NTM: variants seen among roughly 807,000 people sequenced by gnomAD.
The protein encoded by NTM is IgLON family member 2.
In NTM, 13 loss-of-function variants were observed where a neutral mutation model predicts 42.1. That is an observed-to-expected ratio of 0.31 (90% CI 0.20 to 0.49). The LOEUF is 0.49. Among genes scored for constraint, NTM ranks in the 20% least tolerant of loss-of-function variants. The pLI is 0.99. For missense variants in NTM, 373 were observed against 452.8 expected (o/e 0.82, Z 1.60); for synonymous variants, 187 against 179.2 (o/e 1.04, Z -0.35).
At chr11:131,403,896 A>G (rs547344237) in intron 1 of NTM, among the ~76,000 whole-genome samples, 8 of 152,284 alleles carry the variant, frequency 5.3e-5, no homozygotes, top group Non-Finnish European at 1.0e-4. Flanking sequence ...TTAGAGTTCA[A>G]CATCTCAATT....
In NTM at chr11:131,616,469, C is replaced by T. The variant is rs2061947831; in HGVS notation, c.82+245581C>T. On this transcript the variant is annotated intron_variant, in intron 1 of 8. Transcript: ENST00000683400. ...GTGAAAATTGCCACTGCTGATTCTC[C>T]TGACACTCTGAGCTTTACCCATGGG... Among the ~76,000 whole-genome samples, 3 of 152,178 alleles carry T rather than the reference C, an allele frequency of 2.0e-5. No individual in the cohort carries two copies. The South Asian group carries it at 6.2e-4, about 32-fold the overall frequency.
At chr11:132,299,892 A>G (rs73599300) in intron 4 of NTM, among the ~76,000 whole-genome samples, 1,941 of 152,212 alleles carry the variant, frequency 0.013, 36 homozygotes, top group African/African-American at 0.045. Flanking sequence ...AACTATGTGT[A>G]ATATATATGT....
intron 1 of NTM, among the ~76,000 whole-genome samples, chr11:131,746,517 AG>A (rs2081853577): frequency 6.6e-6 from 1 of 152,190 alleles, no homozygotes; most frequent in African/African-American, 2.4e-5. Context: ...CCAGGCACTA[AG>A]TTTGCCTTTC....
At chr11:132,025,310 G>T (rs999199957) in intron 2 of NTM, among the ~76,000 whole-genome samples, 1 of 152,210 alleles carries the variant, frequency 6.6e-6, no homozygotes, top group Non-Finnish European at 1.5e-5. Flanking sequence ...TGGTCAGTCT[G>T]TTCTACATTT....
At chr11:131,500,593 T>TG (rs2046677825) in intron 1 of NTM, among the ~76,000 whole-genome samples, 1 of 133,194 alleles carries the variant, frequency 7.5e-6, no homozygotes. Flanking sequence ...TTTTTTTTTT[T>TG]TTGTATTATA....
chr11:131,733,503 C>CTTCCTTCA, intron 1 of NTM, among the ~76,000 whole-genome samples: 1 of 146,362 alleles, frequency 6.8e-6, no homozygotes, highest in Non-Finnish European at 1.5e-5. Context: ...TCCTTCCTTC[C>CTTCCTTCA]TTCCTTCCTT....
Position 132,028,399 on chromosome 11 carries a change from T to C in NTM, c.167+116751T>C, listed in dbSNP as rs1004134189. On this transcript the variant is annotated intron_variant, in intron 2 of 8. Transcript: ENST00000683400. ...GGGATCAAGCTGTAATTATTGCTTG[T>C]TGTAACTGTGTCAGAGGTTAAAGTT... Among the ~76,000 whole-genome samples the C allele has an allele frequency of 8.5e-5, 13 of 152,292 alleles. No homozygotes were observed. In the East Asian group the frequency reaches 1.7e-3, roughly 20 times the overall value.
chr11:131,996,884 G>A (rs117745471), intron 2 of NTM, among the ~76,000 whole-genome samples: 64 of 152,088 alleles, frequency 4.2e-4, no homozygotes, highest in East Asian at 1.4e-3. Flanking sequence ...CCACATCCCC[G>A]CCCCTCTAGA....
intron 1 of NTM, among the ~76,000 whole-genome samples, chr11:131,791,502 T>C (rs1321564237): frequency 6.6e-6 from 1 of 152,192 alleles, no homozygotes. Context: ...TGAATACAAC[T>C]ATGTAACTAC....
chr11:131,711,300 C>T (rs1453599885), intron 1 of NTM, among the ~76,000 whole-genome samples: 13 of 152,150 alleles, frequency 8.5e-5, no homozygotes, highest in Admixed American at 6.5e-4. Flanking sequence ...AACAAACAAC[C>T]CCATCAAAAA....
chr11:131,427,412 G>A (rs1274121911), intron 1 of NTM, among the ~76,000 whole-genome samples: 11 of 151,958 alleles, frequency 7.2e-5, no homozygotes, highest in Non-Finnish European at 4.4e-5. Context: ...TCTGATCCAG[G>A]GACAAGAAAG....
intron 2 of NTM, among the ~76,000 whole-genome samples, chr11:132,094,883 C>T (rs2060778785): frequency 6.6e-6 from 1 of 152,104 alleles, no homozygotes; most frequent in African/African-American, 2.4e-5. Context: ...CAGCACACTG[C>T]TGGGTCAGGA....
At chr11:131,692,997 T>G (rs1232843939) in intron 1 of NTM, among the ~76,000 whole-genome samples, 1 of 152,080 alleles carries the variant, frequency 6.6e-6, no homozygotes, top group African/African-American at 2.4e-5. Flanking sequence ...ATGTAAGTAT[T>G]TATAGTAGTA....
At position 131,682,366 on chromosome 11, in the gene NTM, G is replaced by C. The variant is rs985352914; in HGVS notation, c.83-229198G>C. On this transcript the variant is annotated intron_variant, in intron 1 of 8. Coordinates refer to ENST00000683400, the MANE Select transcript of NTM (RefSeq NM_001352005.2). ...CAGCAGCTGTGGTTGCAGGCCACAG[G>C]GGGTGTTCTGCAAGGACCCCGAAGG... Among the ~76,000 whole-genome samples, 3 of 152,286 alleles carry C rather than the reference G, an allele frequency of 2.0e-5. No homozygotes were observed. The East Asian group carries it at 5.8e-4, about 29-fold the overall frequency.
intron 3 of NTM, among the ~76,000 whole-genome samples, chr11:132,149,696 G>A (rs765417960): frequency 1.8e-4 from 28 of 152,208 alleles, no homozygotes; most frequent in East Asian, 3.9e-4. Context: ...AGGCCAAGGC[G>A]ACCACATGGA....
intron 1 of NTM, among the ~76,000 whole-genome samples, chr11:131,870,483 AGCCT>A (rs1037368769): frequency 3.3e-5 from 5 of 152,142 alleles, no homozygotes; most frequent in African/African-American, 1.2e-4. Context: ...TGGGTGCCCC[AGCCT>A]GGTCATATGT....
chr11:132,031,894 C>T lies in NTM; in HGVS notation c.168-114388C>T, dbSNP rs570806625. ...TCTTGTTCTCATCTAGTTTTTCCCT[C>T]CAAAATGACATGCTCAAAGGCCCTC... On this transcript the variant is annotated intron_variant, in intron 2 of 8. Transcript: ENST00000683400. Among the ~76,000 whole-genome samples, 317 of 152,264 alleles carry T rather than the reference C, an allele frequency of 2.1e-3. 4 individuals carry two copies. The highest frequency in any genetic ancestry group is 3.4e-3 in the Middle Eastern group (1 of 294).
chr11:132,144,330 G>A (rs1321442075), intron 2 of NTM, among the ~76,000 whole-genome samples: 13 of 152,154 alleles, frequency 8.5e-5, no homozygotes, highest in East Asian at 1.9e-4. Context: ...GTACTTCAGC[G>A]AAATCCCCAG....
chr11:131,525,230 GGCA>G (rs1229982277), intron 1 of NTM, among the ~76,000 whole-genome samples: 2 of 152,092 alleles, frequency 1.3e-5, no homozygotes, highest in Non-Finnish European at 2.9e-5. Flanking sequence ...GGGCACTCTG[GGCA>G]GCTGAGCAAC....
Sources: gnomAD v4.1 joint callset for allele counts (sites outside exome capture counted in the v4.1 genomes callset) on GRCh38, gnomAD v4.1.1 for gene constraint, MANE v1.5 for transcripts, NCBI Gene and HGNC (gene_info 2026-07-23, HGNC 2026-07-21) for gene names.